The following ASPH variants were observed in gnomAD, a reference collection of about 807,000 sequenced individuals.
The protein encoded by ASPH is aspartate beta-hydroxylase.
Under a neutral mutation model 118.4 loss-of-function variants are expected in ASPH, and 100 were observed. The observed-to-expected ratio is 0.84, with a 90% CI of 0.72 to 1.00. The LOEUF (loss-of-function observed/expected upper bound fraction) is 1.00. Among genes scored for constraint, ASPH ranks in the 50% least tolerant of loss-of-function variants. The pLI is 0.00. For missense variants in ASPH, 920 were observed against 919.5 expected, an observed-to-expected ratio of 1.00 and a Z score of -0.01; for synonymous variants, 315 against 325.6, an observed-to-expected ratio of 0.97 and a Z score of 0.35.
chr8:61,628,323 CTTTTTTTTTT>C lies in ASPH; in HGVS notation c.934+5350_934+5359del, dbSNP rs398008041. ...TACAGGCACGTGACACCAAGCCCGGCTTTTTTTTTTTTTTTTTTTTTTTTTTTAAGAGATG... is the reference window on the plus strand; with the variant it reads ...TACAGGCACGTGACACCAAGCCCGGCTTTTTTTTTTTTTTTTTAAGAGATG... On this transcript the variant is annotated intron_variant, in intron 13 of 24. Transcript: ENST00000379454. 4.0e-3 allele frequency: 779 copies of C among 196,598 alleles called. 17 individuals carry two copies. The highest frequency in any genetic ancestry group is 0.039 in the African/African-American group (692 of 17,766). The allele number at this position is 196,598 out of a possible 1,614,324, so 12.2% of individuals were successfully genotyped here. A position where few individuals can be genotyped will look rare whatever the true frequency, so the allele number is the denominator to read the frequency against.
intron 7 of ASPH, among the ~76,000 whole-genome samples, chr8:61,644,272 A>G (rs1011539860): frequency 6.6e-5 from 10 of 152,272 alleles, no homozygotes; most frequent in Admixed American, 1.3e-4. Context: ...TCCTGTGGCC[A>G]TGCCCTTTAA....
intron 5 of ASPH, among the ~76,000 whole-genome samples, chr8:61,650,693 TCG>T (rs1486121783): frequency 6.6e-6 from 1 of 152,110 alleles, no homozygotes; most frequent in Non-Finnish European, 1.5e-5. Flanking sequence ...TGAAGCAAAA[TCG>T]AGGTGGAGCA....
At chr8:61,578,185 G>C (rs1054327545) in intron 15 of ASPH, 1 of 1,545,488 alleles carries the variant, frequency 6.5e-7, no homozygotes, top group Non-Finnish European at 8.7e-7. Context: ...ATCTCCGCCT[G>C]GTTCGGCCCG....
At chr8:61,514,060 G>C (rs756230083) in intron 24 of ASPH, among the ~76,000 whole-genome samples, 8 of 152,058 alleles carry the variant, frequency 5.3e-5, no homozygotes, top group African/African-American at 1.9e-4. Context: ...CGCAGTCATG[G>C]CTCACTGCAG....
At chr8:61,663,450 T>A in intron 3 of ASPH, 1 of 985,390 alleles carries the variant, frequency 1.0e-6, no homozygotes, top group Non-Finnish European at 1.2e-6. Context: ...GGTTATCAAG[T>A]GGTAGCATCT....
intron 12 of ASPH, among the ~76,000 whole-genome samples, chr8:61,637,731 T>C (rs1043885140): frequency 6.6e-6 from 1 of 152,186 alleles, no homozygotes; most frequent in African/African-American, 2.4e-5. Context: ...TCACTATCAT[T>C]GTACTTCTCA....
chr8:61,576,808 G>A lies in ASPH; in HGVS notation c.1113C>T (p.Tyr371=), dbSNP rs763769704. 1.2e-6 allele frequency: 2 copies of A among 1,609,892 alleles called. No homozygotes were observed. The highest frequency in any genetic ancestry group is 4.5e-5 in the East Asian group (2 of 44,828). ...CATATCTTGCTCGTGGACTCTGAGG[G>A]TATTTGCGTACTAGTTCTTTAAATG... ...VNAFKELVRK[Y]PQSPRARYGK... The change falls in exon 16 of 25, where the codon TAC becomes TAT. Residue 371 remains tyrosine (Y), a synonymous_variant. Transcript: ENST00000379454.
At chr8:61,556,809 A>G (rs1477047612) in intron 18 of ASPH, among the ~76,000 whole-genome samples, 2 of 152,222 alleles carry the variant, frequency 1.3e-5, no homozygotes, top group Non-Finnish European at 2.9e-5. Flanking sequence ...ATGTAGGGAA[A>G]GATGCATCTC....
chr8:61,608,262 G>A (rs912548637), intron 14 of ASPH, among the ~76,000 whole-genome samples: 4 of 152,270 alleles, frequency 2.6e-5, no homozygotes, highest in African/African-American at 9.6e-5. Context: ...AAATTTGCAC[G>A]GTTTGCTAAA....
At chr8:61,549,940 GCTA>G (rs1255548077) in intron 20 of ASPH, among the ~76,000 whole-genome samples, 1 of 152,118 alleles carries the variant, frequency 6.6e-6, no homozygotes, top group African/African-American at 2.4e-5. Flanking sequence ...CCCTCGACAT[GCTA>G]GATGTCTGGG....
chr8:61,625,397 C>A lies in ASPH; in HGVS notation c.935-6378G>T, dbSNP rs148986028. 1.6e-3 allele frequency: 1,607 copies of A among 985,642 alleles called. 97 individuals are homozygous for A. In the Admixed American group the frequency reaches 0.087, roughly 53 times the overall value. The allele number at this position is 985,642 out of a possible 1,614,324, so 61.1% of individuals were successfully genotyped here. On this transcript the variant is annotated intron_variant, in intron 13 of 24. Transcript: ENST00000379454. ...GGTCTCTAGTGCTGGAGGGGAATTA[C>A]TCAATTAGCCAAAGGCAGAATAATC...
intron 1 of ASPH, among the ~76,000 whole-genome samples, chr8:61,690,034 A>G (rs1212587950): frequency 6.6e-6 from 1 of 152,198 alleles, no homozygotes; most frequent in Non-Finnish European, 1.5e-5. Flanking sequence ...AAAAAAATGA[A>G]ATGGAACAAA....
chr8:61,631,916 G>A (rs1248600001), intron 13 of ASPH: 1 of 154,840 alleles, frequency 6.5e-6, no homozygotes, highest in Non-Finnish European at 1.5e-5. Context: ...GAGTGGAGAG[G>A]GATGAAGGGG....
At chr8:61,685,141 T>C (rs1225405598) in intron 1 of ASPH, among the ~76,000 whole-genome samples, 5 of 152,114 alleles carry the variant, frequency 3.3e-5, no homozygotes, top group Non-Finnish European at 7.4e-5. Context: ...GTCCTGCCAC[T>C]ATTTCTACAG....
chr8:61,615,052 A>G (rs1032909501), intron 14 of ASPH, among the ~76,000 whole-genome samples: 1 of 152,074 alleles, frequency 6.6e-6, no homozygotes, highest in African/African-American at 2.4e-5. Flanking sequence ...AGAATCTCCC[A>G]ATGGCCATCT....
At chr8:61,606,452 C>G (rs1239476951) in intron 14 of ASPH, 1 of 152,178 alleles carries the variant, frequency 6.6e-6, no homozygotes. Context: ...AGGCATCACA[C>G]TGTATAAATA....
At chr8:61,684,365 T>G in intron 1 of ASPH, 177 bp from the exon 2 acceptor site, 1 of 687,682 alleles carries the variant, frequency 1.5e-6, no homozygotes, top group Non-Finnish European at 2.3e-6. Flanking sequence ...CAGAAAAGAT[T>G]GTTTAGATGC....
intron 14 of ASPH, among the ~76,000 whole-genome samples, chr8:61,617,149 T>C (rs1274610076): frequency 2.0e-5 from 3 of 152,122 alleles, no homozygotes; most frequent in Non-Finnish European, 2.9e-5. Context: ...ATCTGTGGCA[T>C]ACAGAGGCAT....
chr8:61,629,590 C>T (rs146017486), intron 13 of ASPH, among the ~76,000 whole-genome samples: 17 of 152,330 alleles, frequency 1.1e-4, no homozygotes, highest in African/African-American at 3.8e-4. Context: ...CAAGAATCCA[C>T]GTGCACAGCA....
Sources: allele counts gnomAD v4.1 joint callset (sites outside exome capture counted in the v4.1 genomes callset), GRCh38; gene constraint gnomAD v4.1.1; transcripts MANE v1.5; gene names NCBI Gene and HGNC (gene_info 2026-07-23, HGNC 2026-07-21).